The following MON2 variants were observed in gnomAD, a reference collection of about 807,000 sequenced individuals.
The protein encoded by MON2 is MON2 regulator of endosome-to-Golgi trafficking.
In MON2, 84 loss-of-function variants were observed where a neutral mutation model predicts 208.6. The ratio of observed to expected loss-of-function variants is 0.40; its 90% CI spans 0.34 to 0.48. The LOEUF (loss-of-function observed/expected upper bound fraction) is 0.48, where lower values mean the gene tolerates loss of function less well. Ranked by LOEUF, MON2 falls within the 20% of genes least tolerant of loss-of-function variation. MON2 has a pLI of 0.59. For missense variants in MON2, 1,611 were observed against 2,015.4 expected, an observed-to-expected ratio of 0.80 and a Z score of 3.84; for synonymous variants, 660 against 694.0, an observed-to-expected ratio of 0.95 and a Z score of 0.77.
intron 30 of MON2, among the ~76,000 whole-genome samples, chr12:62,576,146 G>A (rs2074770901): frequency 6.6e-6 from 1 of 152,100 alleles, no homozygotes; most frequent in South Asian, 2.1e-4. Context: ...AAAAAAGAAT[G>A]AAGTGCTAAT....
chr12:62,489,282 G>C (rs1288026101), intron 2 of MON2, among the ~76,000 whole-genome samples: 1 of 151,978 alleles, frequency 6.6e-6, no homozygotes, highest in Non-Finnish European at 1.5e-5. Context: ...ATTTTTAAAA[G>C]TCTTTTGGTA....
At chr12:62,501,440 C>A in intron 6 of MON2, 133 bp from the exon 7 acceptor site, 1 of 928,034 alleles carries the variant, frequency 1.1e-6, no homozygotes, top group Non-Finnish European at 1.6e-6. Context: ...TTGGAATTAC[C>A]AGTGCTTAGT....
At chr12:62,474,113 T>G (rs1415420833) in intron 1 of MON2, among the ~76,000 whole-genome samples, 2 of 151,600 alleles carry the variant, frequency 1.3e-5, no homozygotes, top group Non-Finnish European at 2.9e-5. Context: ...CTTTTTCTTT[T>G]CTTTTCTTTT....
At chr12:62,476,434 T>C (rs1169819871) in intron 1 of MON2, among the ~76,000 whole-genome samples, 1 of 151,862 alleles carries the variant, frequency 6.6e-6, no homozygotes, top group African/African-American at 2.4e-5. Context: ...AACTTGAATT[T>C]CACTTTTTTT....
intron 4 of MON2, among the ~76,000 whole-genome samples, chr12:62,498,696 C>T (rs761639894): frequency 1.2e-4 from 18 of 152,056 alleles, no homozygotes; most frequent in Non-Finnish European, 2.5e-4. Flanking sequence ...TGTTAAAAAA[C>T]CAAATTTTAA....
intron 1 of MON2, among the ~76,000 whole-genome samples, chr12:62,471,825 A>G (rs2068805020): frequency 6.6e-6 from 1 of 152,244 alleles, no homozygotes; most frequent in Admixed American, 6.5e-5. Flanking sequence ...GTATATGAAC[A>G]GGATTTCAAT....
chr12:62,579,941 A>G (rs796606988), intron 31 of MON2, among the ~76,000 whole-genome samples: 14 of 152,362 alleles, frequency 9.2e-5, no homozygotes, highest in African/African-American at 3.4e-4. Flanking sequence ...AAAGTGATTT[A>G]AATGTTATTC....
At position 62,547,076 on chromosome 12, in the gene MON2, A is replaced by G; in HGVS notation, c.2753+4A>G. ...GAGCAATCAGAAATGATCAAGGGTA[A>G]GTATTTAAAATTATTTGAGAAAAAA... On this transcript the variant is annotated splice_donor_region_variant and intron_variant, in intron 22 of 34. Coordinates refer to ENST00000393630, the MANE Select transcript of MON2 (RefSeq NM_015026.3). The G allele has an allele frequency of 6.9e-7, 1 of 1,452,078 alleles. No homozygotes were observed. The highest frequency in any genetic ancestry group is 9.1e-7 in the Non-Finnish European group (1 of 1,098,240). 89.9% of individuals were successfully genotyped at this position (1,452,078 alleles called of 1,614,324 possible).
intron 25 of MON2, among the ~76,000 whole-genome samples, chr12:62,559,395 GGCT>G (rs1321296264): frequency 6.6e-6 from 1 of 152,134 alleles, no homozygotes; most frequent in Non-Finnish European, 1.5e-5. Flanking sequence ...GGTGGCTCAT[GGCT>G]GTAATCCCAG....
intron 8 of MON2, among the ~76,000 whole-genome samples, chr12:62,518,864 T>C (rs1456430654): frequency 6.6e-6 from 1 of 152,176 alleles, no homozygotes; most frequent in African/African-American, 2.4e-5. Flanking sequence ...ATTGGCTACA[T>C]TGGGACATCT....
intron 30 of MON2, 65 bp downstream of exon 30, chr12:62,571,647 AACAGTTGTCTTT>A: frequency 7.7e-7 from 1 of 1,303,960 alleles, no homozygotes. Context: ...TTGCTCTAAA[AACAGTTGTCTTT>A]ATTCATTAAC....
In MON2 at chr12:62,499,062, AGTT is replaced by A. The variant is rs753628526; in HGVS notation, c.565+18_565+20del. ...AACGACACAGAGGTAAAGTGCTAGA[AGTT>A]GTTTTACTTTGTGGGTGGTTCTTGG... On this transcript the variant is annotated intron_variant, in intron 5 of 34. Transcript: ENST00000393630. 1 of 1,607,412 alleles carries A rather than the reference AGTT, an allele frequency of 6.2e-7. No individual in the cohort carries two copies. The highest frequency in any genetic ancestry group is 1.1e-5 in the South Asian group (1 of 89,682).
intron 26 of MON2, among the ~76,000 whole-genome samples, chr12:62,562,203 G>GA (rs2074222786): frequency 6.6e-6 from 1 of 151,894 alleles, no homozygotes; most frequent in African/African-American, 2.4e-5. Context: ...TATCAGAAAA[G>GA]AAAATAAGAC....
chr12:62,520,769 T>G (rs1437120138), intron 8 of MON2, among the ~76,000 whole-genome samples: 1 of 150,456 alleles, frequency 6.6e-6, no homozygotes, highest in Non-Finnish European at 1.5e-5. Context: ...TACTAAAAAA[T>G]ACAAAAAATT....
chr12:62,538,053 C>T, intron 16 of MON2, 43 bp from the exon 17 acceptor site: 1 of 1,540,428 alleles, frequency 6.5e-7, no homozygotes, highest in Non-Finnish European at 8.8e-7. Context: ...ACCTTTTATA[C>T]TTTTGTAAAG....
At chr12:62,491,112 T>C (rs2070106743) in intron 2 of MON2, among the ~76,000 whole-genome samples, 1 of 152,166 alleles carries the variant, frequency 6.6e-6, no homozygotes, top group Non-Finnish European at 1.5e-5. Context: ...TTGCATGCAT[T>C]GTTGATACCA....
rs2073811916 is a variant in MON2, at chr12:62,552,892, A to G, written c.2928A>G (p.Ser976=). The stretch of plus-strand genomic sequence containing the variant: ...ACTTTGCTTTTTAGTGGAATATTTC[A>G]GATTATTTTTTCCAAAGAGGGGAAA... ...LTSIGLLWNI[S]DYFFQRGETI... The change falls in exon 24 of 35, where the codon TCA becomes TCG. Residue 976 remains serine, a synonymous_variant. Transcript: ENST00000393630. 6.2e-7 allele frequency: 1 copy of G among 1,612,020 alleles called. No individual in the cohort carries two copies. Among genetic ancestry groups the G allele is most frequent in the African/African-American group, 1.3e-5 (1 of 74,822 alleles).
At chr12:62,520,523 A>C (rs1405074046) in intron 8 of MON2, among the ~76,000 whole-genome samples, 2 of 152,196 alleles carry the variant, frequency 1.3e-5, no homozygotes, top group Admixed American at 1.3e-4. Context: ...GTTATTCCAC[A>C]GGGTAAAAAG....
intron 6 of MON2, among the ~76,000 whole-genome samples, chr12:62,501,293 G>A (rs958133348): frequency 1.3e-5 from 2 of 151,702 alleles, no homozygotes; most frequent in African/African-American, 2.4e-5. Context: ...TTATTACTTC[G>A]GATTAAAAGC....
Sources: gnomAD v4.1 joint callset for allele counts (sites outside exome capture counted in the v4.1 genomes callset) on GRCh38, gnomAD v4.1.1 for gene constraint, MANE v1.5 for transcripts, NCBI Gene and HGNC (gene_info 2026-07-23, HGNC 2026-07-21) for gene names.